Variants in AKT3 observed in about 807,000 individuals in gnomAD.
The protein encoded by AKT3 is AKT serine/threonine kinase 3.
Under a neutral mutation model 65.3 loss-of-function variants are expected in AKT3, and 15 were observed. That is an observed-to-expected ratio of 0.23 (90% CI 0.15 to 0.35). The LOEUF is 0.35. Among genes scored for constraint, AKT3 ranks in the 10% least tolerant of loss-of-function variants. The probability of loss-of-function intolerance (pLI) is 1.00; values close to 1 mark genes in which losing one functional copy is unlikely to be tolerated. For missense variants in AKT3, 243 were observed against 576.5 expected, an observed-to-expected ratio of 0.42 and a Z score of 5.92; for synonymous variants, 206 against 183.8, an observed-to-expected ratio of 1.12 and a Z score of -0.98.
chr1:243,505,756 T>G (rs1345793459), intron 13 of AKT3, among the ~76,000 whole-genome samples: 1 of 152,250 alleles, frequency 6.6e-6, no homozygotes, highest in Admixed American at 6.5e-5. Flanking sequence ...TTATATTTTT[T>G]CTTTGTGATG....
intron 2 of AKT3, among the ~76,000 whole-genome samples, chr1:243,741,148 C>A (rs139335020): frequency 6.6e-6 from 1 of 152,112 alleles, no homozygotes; most frequent in Non-Finnish European, 1.5e-5. Context: ...TAAACTCCAG[C>A]CTAGTTCTTC....
At chr1:243,846,597 TAA>T (rs1037519238) in intron 1 of AKT3, among the ~76,000 whole-genome samples, 3 of 152,186 alleles carry the variant, frequency 2.0e-5, no homozygotes, top group Non-Finnish European at 2.9e-5. Flanking sequence ...CTAATTTGAT[TAA>T]AGACTATGAT....
At chr1:243,698,360 C>T (rs2148033532) in intron 2 of AKT3, among the ~76,000 whole-genome samples, 1 of 152,042 alleles carries the variant, frequency 6.6e-6, no homozygotes, top group African/African-American at 2.4e-5. Flanking sequence ...CACGGAATAA[C>T]ACCATTTCTT....
At chr1:243,688,647 A>G (rs1457165374) in intron 3 of AKT3, among the ~76,000 whole-genome samples, 1 of 152,186 alleles carries the variant, frequency 6.6e-6, no homozygotes, top group Non-Finnish European at 1.5e-5. Context: ...ACTAAACTGT[A>G]TCTTGCTGAC....
chr1:243,502,727 G>A lies in AKT3; in HGVS notation c.*2522C>T, dbSNP rs186529223. 9.0e-5 allele frequency: 21 copies of A among 233,302 alleles called. No individual in the cohort carries two copies. Among genetic ancestry groups the A allele is most frequent in the East Asian group, 7.2e-4 (12 of 16,584 alleles). The allele number at this position is 233,302 out of a possible 1,614,324, so 14.5% of individuals were successfully genotyped here. On this transcript the variant is annotated 3_prime_UTR_variant, in exon 14 of 14. Coordinates refer to ENST00000673466, the MANE Select transcript of AKT3 (RefSeq NM_005465.7). Reference sequence around the variant, plus strand: ...GAAGACACCTTGTGTGACACCAATGGAGTCTCAGAGGGTGGAATAGAAGTG... The same window carrying A: ...GAAGACACCTTGTGTGACACCAATGAAGTCTCAGAGGGTGGAATAGAAGTG...
chr1:243,536,407 TTAATAG>T (rs1671935054), intron 12 of AKT3, among the ~76,000 whole-genome samples: 1 of 152,172 alleles, frequency 6.6e-6, no homozygotes, highest in Non-Finnish European at 1.5e-5. Flanking sequence ...TCTTGCATTT[TTAATAG>T]TGTTTGTTTT....
At chr1:243,683,989 C>T (rs1463324793) in intron 3 of AKT3, among the ~76,000 whole-genome samples, 2 of 152,172 alleles carry the variant, frequency 1.3e-5, no homozygotes, top group African/African-American at 2.4e-5. Context: ...TCTCAGCCTG[C>T]AGCAGCTTTG....
At chr1:243,698,352 C>T (rs183374295) in intron 2 of AKT3, among the ~76,000 whole-genome samples, 8 of 151,984 alleles carry the variant, frequency 5.3e-5, no homozygotes, top group Admixed American at 2.0e-4. Flanking sequence ...AAAGAAAACA[C>T]GGAATAACAC....
At chr1:243,489,244 T>G in intron 13 of AKT3, 1,252 of 1,444,930 alleles carry the variant, frequency 8.7e-4, no homozygotes, top group Non-Finnish European at 1.1e-3. Flanking sequence ...TCACATCGGT[T>G]AGCAGTAAGC....
At chr1:243,656,619 G>C (rs909434598) in intron 4 of AKT3, among the ~76,000 whole-genome samples, 6 of 152,200 alleles carry the variant, frequency 3.9e-5, no homozygotes, top group African/African-American at 1.4e-4. Flanking sequence ...GGTGTTCCTA[G>C]CAGTAGGGAC....
At chr1:243,688,461 G>A (rs1456508205) in intron 3 of AKT3, among the ~76,000 whole-genome samples, 1 of 152,126 alleles carries the variant, frequency 6.6e-6, no homozygotes, top group African/African-American at 2.4e-5. Context: ...CAAGGAGAAC[G>A]GTATTTGCAA....
intron 2 of AKT3, among the ~76,000 whole-genome samples, chr1:243,708,749 T>A (rs1033984211): frequency 2.6e-5 from 4 of 152,032 alleles, no homozygotes; most frequent in Non-Finnish European, 5.9e-5. Context: ...AATTTGTTTT[T>A]AAAAACTGCA....
intron 2 of AKT3, among the ~76,000 whole-genome samples, chr1:243,822,644 T>C (rs967630529): frequency 6.6e-6 from 1 of 152,080 alleles, no homozygotes; most frequent in South Asian, 2.1e-4. Flanking sequence ...CAGAGAATAC[T>C]ATAAACCCCT....
intron 8 of AKT3, among the ~76,000 whole-genome samples, chr1:243,586,916 G>T (rs553529114): frequency 6.6e-6 from 1 of 151,132 alleles, no homozygotes. Flanking sequence ...ATAATGAAGG[G>T]AAAATCCAGT....
At position 243,572,993 on chromosome 1, in the gene AKT3, T is replaced by C. The variant is rs766197531; in HGVS notation, c.752A>G (p.Tyr251Cys). The change falls in exon 9 of 14, where the codon TAT becomes TGT. Residue 251 changes from tyrosine (Y) to cysteine (C), a missense_variant. Around this residue, in one of 6 missense-constraint regions of AKT3, gnomAD observed 61 missense variants for 163.3 expected, o/e 0.37. Coordinates refer to ENST00000673466, the MANE Select transcript of AKT3 (RefSeq NM_005465.7). The part of the protein sequence containing the change: ...RVFSEDRTRF[Y>C]GAEIVSALDY... The stretch of plus-strand genomic sequence containing the variant: ...CAAGGCAGAGACAATTTCTGCACCA[T>C]AGAAACGTGTGCGGTCCTCAGAGAA... The C allele has an allele frequency of 5.0e-6, 8 of 1,613,276 alleles. No individual in the cohort carries two copies. Among genetic ancestry groups the C allele is most frequent in the South Asian group, 1.1e-5 (1 of 91,066 alleles).
intron 2 of AKT3, among the ~76,000 whole-genome samples, chr1:243,775,346 A>G (rs1304227134): frequency 6.6e-6 from 1 of 152,070 alleles, no homozygotes; most frequent in Non-Finnish European, 1.5e-5. Flanking sequence ...ACGCCCAGCT[A>G]ATTTTTTGTA....
At chr1:243,703,653 G>A (rs906200578) in intron 2 of AKT3, among the ~76,000 whole-genome samples, 6 of 151,446 alleles carry the variant, frequency 4.0e-5, no homozygotes, top group South Asian at 2.1e-4. Context: ...CCAGCTACTC[G>A]GGAGGCTGAG....
chr1:243,799,601 G>A (rs1458793579), intron 2 of AKT3, among the ~76,000 whole-genome samples: 33 of 152,272 alleles, frequency 2.2e-4, no homozygotes, highest in Admixed American at 1.2e-3. Flanking sequence ...GACTCAACAT[G>A]AAATGAGGTA....
chr1:243,526,870 A>T (rs1282835816), intron 12 of AKT3, among the ~76,000 whole-genome samples: 1 of 151,584 alleles, frequency 6.6e-6, no homozygotes, highest in Non-Finnish European at 1.5e-5. Context: ...AAGAAAAAAA[A>T]ATGAAGAAAT....
Sources: allele counts gnomAD v4.1 joint callset (sites outside exome capture counted in the v4.1 genomes callset), GRCh38; gene constraint gnomAD v4.1.1; regional missense constraint gnomAD v4.1.1; transcripts MANE v1.5; gene names NCBI Gene and HGNC (gene_info 2026-07-23, HGNC 2026-07-21).